Variants in EP300 observed in about 807,000 individuals in gnomAD.
The protein encoded by EP300 is EP300 lysine acetyltransferase, also known as histone acetyltransferase p300.
Under a neutral mutation model 264.0 loss-of-function variants are expected in EP300, and 31 were observed. The observed-to-expected ratio is 0.12, with a 90% CI of 0.09 to 0.16. The LOEUF is 0.16. Among genes scored for constraint, EP300 ranks in the 10% least tolerant of loss-of-function variants. The pLI, the probability that EP300 is intolerant of heterozygous loss-of-function variation, is 1.00. For synonymous variants in EP300, 1,340 were observed against 1,045.4 expected, an observed-to-expected ratio of 1.28 and a Z score of -5.44; for missense variants, 2,766 against 3,052.9, an observed-to-expected ratio of 0.91 and a Z score of 2.21.
rs993610009 is a variant in EP300, at chr22:41,092,828, C to T, written c.-177C>T. ...TTGCCCTTACCTTTTCTATCGAGTC[C>T]GCATCCCTCTCCAGCCACTGCGACC... On this transcript the variant is annotated 5_prime_UTR_variant, in exon 1 of 31. Transcript: ENST00000263253. 2.9e-5 allele frequency: 21 copies of T among 730,794 alleles called. 1 individual carries two copies. Among genetic ancestry groups the T allele is most frequent in the African/African-American group, 3.5e-5 (2 of 56,902 alleles). 45.3% of individuals were successfully genotyped at this position (730,794 alleles called of 1,614,324 possible).
In EP300 at chr22:41,173,681, A is replaced by G; in HGVS notation, c.4676A>G (p.Asn1559Ser). Residue 1559 changes from asparagine to serine, a missense_variant, in exon 29 of 31, where the codon AAT becomes AGT. Asn to Ser is a conservative substitution (Grantham distance 46, BLOSUM62 1). Transcript: ENST00000263253. ...AAGAATAATAAGAAAACCAGCAAAA[A>G]TAAGAGCAGCCTGAGTAGGGGCAAC... ...KKKNNKKTSK[N>S]KSSLSRGNKK... 5 of 1,614,204 alleles carry G rather than the reference A, an allele frequency of 3.1e-6. No homozygotes were observed. The highest frequency in any genetic ancestry group is 4.2e-6 in the Non-Finnish European group (5 of 1,180,036).
rs748953233 is a variant in EP300 at position 41,178,811 on chromosome 22, C to T, written c.7100C>T (p.Pro2367Leu). Residue 2367 changes from proline to leucine, a missense_variant, in exon 31 of 31, where the codon CCG becomes CTG. By Grantham distance (98) the Pro-to-Leu change is moderately conservative. Transcript: ENST00000263253. Reference sequence around the variant, plus strand: ...ATGGAACAAGGGCATTTTGCCAGCCCGGACCAGAATTCAATGCTTTCTCAG... The same window carrying T: ...ATGGAACAAGGGCATTTTGCCAGCCTGGACCAGAATTCAATGCTTTCTCAG... ...NPMEQGHFAS[P>L]DQNSMLSQLA... is the part of the protein sequence containing the mutation. 2.9e-5 allele frequency: 46 copies of T among 1,613,994 alleles called. No homozygotes were observed. The highest frequency in any genetic ancestry group is 6.6e-5 in the South Asian group (6 of 91,078).
At chr22:41,138,441 G>T (rs2058964250) in intron 8 of EP300, among the ~76,000 whole-genome samples, 1 of 152,236 alleles carries the variant, frequency 6.6e-6, no homozygotes, top group African/African-American at 2.4e-5. Context: ...TAGGATTACA[G>T]GTGTGAGCCA....
rs1057518835 is a variant in EP300, at chr22:41,135,903, A to G, written c.1619A>G (p.Gln540Arg). 1 of 1,611,170 alleles carries G rather than the reference A, an allele frequency of 6.2e-7. No individual in the cohort carries two copies. Among genetic ancestry groups the G allele is most frequent in the Non-Finnish European group, 8.5e-7 (1 of 1,177,268 alleles). Residue 540 changes from glutamine to arginine, a missense_variant, in exon 7 of 31, where the codon CAA becomes CGA. Coordinates refer to ENST00000263253, the MANE Select transcript of EP300 (RefSeq NM_001429.4). ...DSMLHSAINSQNPMMSENASV... is the reference protein window; with the variant it reads ...DSMLHSAINSRNPMMSENASV... ...ATGTTGCATTCAGCCATAAATTCTCAAAAGTAAGTCTTAACGTGATTTATA... is the reference window on the plus strand; with the variant it reads ...ATGTTGCATTCAGCCATAAATTCTCGAAAGTAAGTCTTAACGTGATTTATA...
intron 1 of EP300, chr22:41,108,192 C>G (rs2058768516): frequency 6.6e-6 from 1 of 151,374 alleles, no homozygotes; most frequent in Non-Finnish European, 1.5e-5. Flanking sequence ...ATTTCTAATA[C>G]ACGGTCCACT....
intron 29 of EP300, among the ~76,000 whole-genome samples, chr22:41,175,407 T>G (rs2145510061): frequency 6.6e-6 from 1 of 152,368 alleles, no homozygotes; most frequent in Admixed American, 6.5e-5. Context: ...AGTTATATAC[T>G]AATTAATGTC....
rs2058679384 is a variant in EP300, at chr22:41,092,727, C to T, written c.-278C>T. 1 of 611,068 alleles carries T rather than the reference C, an allele frequency of 1.6e-6. No individual in the cohort carries two copies. The highest frequency in any genetic ancestry group is 3.0e-5 in the Admixed American group (1 of 32,860). The allele number at this position is 611,068 out of a possible 1,614,324, so 37.9% of individuals were successfully genotyped here. On this transcript the variant is annotated 5_prime_UTR_variant, in exon 1 of 31. Transcript: ENST00000263253. Reference sequence around the variant, plus strand: ...AGAGCCGCGAGTTCTCGGGAATTCGCCGCAGCGGACGCGCTCGGCGAATTT... The same window carrying T: ...AGAGCCGCGAGTTCTCGGGAATTCGTCGCAGCGGACGCGCTCGGCGAATTT...
At chr22:41,152,395 A>G in intron 16 of EP300, 45 bp downstream of exon 16, 2 of 1,587,068 alleles carry the variant, frequency 1.3e-6, no homozygotes, top group Non-Finnish European at 1.7e-6. Flanking sequence ...TGAAGAAACC[A>G]AAGACCCAGG....
At chr22:41,099,486 T>G (rs1169423205) in intron 1 of EP300, among the ~76,000 whole-genome samples, 1 of 152,214 alleles carries the variant, frequency 6.6e-6, no homozygotes, top group Non-Finnish European at 1.5e-5. Context: ...CACACAAATT[T>G]AATGCCTTTT....
chr22:41,167,619 T>C (rs1474479203), intron 23 of EP300, among the ~76,000 whole-genome samples: 3 of 95,764 alleles, frequency 3.1e-5, no homozygotes, highest in East Asian at 5.0e-4. Flanking sequence ...TATATATATA[T>C]ATATATATAT....
At chr22:41,158,666 A>G in intron 19 of EP300, 166 bp downstream of exon 19, 2 of 636,218 alleles carry the variant, frequency 3.1e-6, no homozygotes, top group Non-Finnish European at 2.8e-6. Context: ...GCAGAACAAT[A>G]AAATTTTCTA....
Position 41,149,893 on chromosome 22 carries a change from C to T in EP300, c.2512C>T (p.Arg838Cys), listed in dbSNP as rs1215000818. 6 of 1,613,900 alleles carry T rather than the reference C, an allele frequency of 3.7e-6. No individual in the cohort carries two copies. The highest frequency in any genetic ancestry group is 1.7e-5 in the Admixed American group (1 of 59,988). ...GAATTCACCCTCGCCTGTACCTAGT[C>T]GTACCCCCACCCCTCACCATACTCC... ...HQNSPSPVPS[R>C]TPTPHHTPPS... Residue 838 changes from arginine (R) to cysteine (C), a missense_variant, in exon 14 of 31, where the codon CGT becomes TGT. Arg to Cys is a radical substitution (Grantham distance 180). Coordinates refer to ENST00000263253, the MANE Select transcript of EP300 (RefSeq NM_001429.4).
chr22:41,167,604 A>G (rs1387317079), intron 23 of EP300, among the ~76,000 whole-genome samples: 113 of 29,128 alleles, frequency 3.9e-3, no homozygotes, highest in East Asian at 6.7e-3. Flanking sequence ...ATATATATAT[A>G]TATATATATA....
chr22:41,155,129 T>C lies in EP300; in HGVS notation c.3261+16T>C, dbSNP rs1328465172. 1 of 1,532,412 alleles carries C rather than the reference T, an allele frequency of 6.5e-7. No homozygotes were observed. Among genetic ancestry groups the C allele is most frequent in the Non-Finnish European group, 9.0e-7 (1 of 1,105,554 alleles). 94.9% of individuals were successfully genotyped at this position (1,532,412 alleles called of 1,614,324 possible). On this transcript the variant is annotated intron_variant, in intron 17 of 30. Coordinates refer to ENST00000263253, the MANE Select transcript of EP300 (RefSeq NM_001429.4). ...AGGAATCCCTGTAAGTATTTGGTGG[T>C]ACTTTTGATTTTATTTTTTAATTTG...
intron 8 of EP300, among the ~76,000 whole-genome samples, chr22:41,138,119 A>C (rs1047897012): frequency 5.3e-5 from 8 of 152,208 alleles, no homozygotes; most frequent in African/African-American, 1.9e-4. Context: ...AGCTCATTAA[A>C]ATATTGCATT....
At chr22:41,147,263 G>A (rs936846249) in intron 11 of EP300, among the ~76,000 whole-genome samples, 14 of 149,270 alleles carry the variant, frequency 9.4e-5, no homozygotes, top group African/African-American at 3.5e-4. Context: ...GCGAGATCGC[G>A]CCACTGGACC....
intron 2 of EP300, among the ~76,000 whole-genome samples, chr22:41,122,381 G>T (rs1054680739): frequency 6.6e-6 from 1 of 151,924 alleles, no homozygotes; most frequent in Non-Finnish European, 1.5e-5. Flanking sequence ...GGCCAGGCTG[G>T]TTTCAAACTC....
At chr22:41,174,633 A>C (rs2059189918) in intron 29 of EP300, 1 of 152,046 alleles carries the variant, frequency 6.6e-6, no homozygotes, top group African/African-American at 2.4e-5. Context: ...AGCCAGGAGA[A>C]TTGAAGAGTA....
chr22:41,130,254 T>TAAAAA (rs11388493), intron 5 of EP300, among the ~76,000 whole-genome samples: 2 of 134,864 alleles, frequency 1.5e-5, no homozygotes, highest in Non-Finnish European at 1.6e-5. Flanking sequence ...CTGCCTCAAT[T>TAAAAA]AAAAAAAAAA....
Sources: allele counts gnomAD v4.1 joint callset (sites outside exome capture counted in the v4.1 genomes callset), GRCh38; gene constraint gnomAD v4.1.1; transcripts MANE v1.5; gene names NCBI Gene and HGNC (gene_info 2026-07-23, HGNC 2026-07-21).